The following FHOD3 variants were observed in gnomAD, a reference collection of about 807,000 sequenced individuals.
FHOD3 encodes the protein formin homology 2 domain containing 3, also known as FH1/FH2 domain-containing protein 3.
A neutral mutation model predicts 173.0 loss-of-function variants in FHOD3; 90 were observed. The observed-to-expected ratio is 0.52, with a 90% CI of 0.44 to 0.62. The LOEUF (loss-of-function observed/expected upper bound fraction) is 0.62. Among genes scored for constraint, FHOD3 ranks in the 20% least tolerant of loss-of-function variants. FHOD3 has a pLI of 0.00. For missense variants in FHOD3, 1,945 were observed against 2,034.7 expected (o/e 0.96, Z 0.85); for synonymous variants, 828 against 823.0 (o/e 1.01, Z -0.10).
chr18:36,558,421 A>G (rs568122578), intron 5 of FHOD3, among the ~76,000 whole-genome samples: 1 of 152,282 alleles, frequency 6.6e-6, no homozygotes, highest in Non-Finnish European at 1.5e-5. Context: ...TATATGTTTC[A>G]GGCAGAAGGG....
chr18:36,676,609 C>G (rs922773868), intron 14 of FHOD3, among the ~76,000 whole-genome samples: 2 of 150,586 alleles, frequency 1.3e-5, no homozygotes, highest in Middle Eastern at 3.2e-3. Flanking sequence ...GTTTTTTTTT[C>G]CAAAATGATT....
At chr18:36,335,701 T>C (rs567125641) in intron 1 of FHOD3, among the ~76,000 whole-genome samples, 142 of 152,268 alleles carry the variant, frequency 9.3e-4, no homozygotes, top group Non-Finnish European at 1.8e-3. Context: ...CTTTGCTGCC[T>C]GGAGGAAGTG....
intron 3 of FHOD3, among the ~76,000 whole-genome samples, chr18:36,409,535 T>TC (rs920600686): frequency 5.9e-5 from 9 of 152,110 alleles, no homozygotes; most frequent in African/African-American, 1.9e-4. Context: ...TTGATTCATT[T>TC]CCCCCTCTAC....
chr18:36,774,543 C>CT (rs1173052654), intron 28 of FHOD3, among the ~76,000 whole-genome samples: 2 of 152,176 alleles, frequency 1.3e-5, no homozygotes, highest in African/African-American at 4.8e-5. Context: ...GCCTGAGCCT[C>CT]TCCCCAAGAC....
intron 28 of FHOD3, among the ~76,000 whole-genome samples, chr18:36,774,081 A>G (rs1315037221): frequency 6.6e-6 from 1 of 152,182 alleles, no homozygotes. Context: ...CCAGAAAACA[A>G]TTGGCAGAAC....
intron 3 of FHOD3, among the ~76,000 whole-genome samples, chr18:36,437,732 C>T (rs149791514): frequency 3.5e-5 from 5 of 142,302 alleles, no homozygotes; most frequent in East Asian, 4.2e-4. Flanking sequence ...GGCACGATGT[C>T]GGCTCACTGC....
At chr18:36,310,709 A>G (rs935411624) in intron 1 of FHOD3, among the ~76,000 whole-genome samples, 3 of 151,058 alleles carry the variant, frequency 2.0e-5, no homozygotes, top group Non-Finnish European at 4.4e-5. Flanking sequence ...AAAGAAAAGA[A>G]AAAAAAAAGA....
At chr18:36,717,234 T>G (rs945743149) in intron 18 of FHOD3, among the ~76,000 whole-genome samples, 4 of 151,890 alleles carry the variant, frequency 2.6e-5, no homozygotes, top group African/African-American at 9.7e-5. Flanking sequence ...GGCTAGGAGG[T>G]TAGAGAAGAG....
rs1299656803 is a variant in FHOD3 at position 36,658,098 on chromosome 18, C to G, written c.1745C>G (p.Ser582Cys). 2 of 1,607,542 alleles carry G rather than the reference C, an allele frequency of 1.2e-6. No individual in the cohort carries two copies. Among genetic ancestry groups the G allele is most frequent in the African/African-American group, 1.3e-5 (1 of 74,326 alleles). ...AGATACAGCAATTTTGGCAATAACT[C>G]TTATCACTCCTCAAGACCCTCATCT... ...SNRYSNFGNN[S>C]YHSSRPSSGS... is the part of the protein sequence containing the mutation. Residue 582 changes from serine (S) to cysteine (C), a missense_variant, in exon 14 of 29, where the codon TCT becomes TGT. Ser to Cys is a moderately radical substitution (Grantham distance 112). Coordinates refer to ENST00000590592, the MANE Select transcript of FHOD3 (RefSeq NM_001281740.3).
At chr18:36,461,069 C>A (rs2052520751) in intron 3 of FHOD3, among the ~76,000 whole-genome samples, 1 of 152,142 alleles carries the variant, frequency 6.6e-6, no homozygotes, top group African/African-American at 2.4e-5. Context: ...CTGAATAGCT[C>A]ACGGCAGGGG....
At position 36,741,376 on chromosome 18, in the gene FHOD3, G is replaced by T. The variant is rs562734196; in HGVS notation, c.3759+538G>T. On this transcript the variant is annotated intron_variant, in intron 21 of 28. Coordinates refer to ENST00000590592, the MANE Select transcript of FHOD3 (RefSeq NM_001281740.3). ...TGGAATAGGGCAGTGGGAGTTTTTC[G>T]CAGGCTGAACAGAAGGAGCCAGTGT... 3.3e-5 allele frequency among the ~76,000 whole-genome samples: 5 copies of T among 152,286 alleles called. No homozygotes were observed. The East Asian group carries it at 9.7e-4, about 29-fold the overall frequency.
intron 3 of FHOD3, among the ~76,000 whole-genome samples, chr18:36,499,230 A>G (rs2054897729): frequency 6.6e-6 from 1 of 152,062 alleles, no homozygotes; most frequent in African/African-American, 2.4e-5. Context: ...CAGCTTCCCA[A>G]GTAGCTGGGA....
chr18:36,447,601 A>T (rs567311357), intron 3 of FHOD3, among the ~76,000 whole-genome samples: 1 of 152,336 alleles, frequency 6.6e-6, no homozygotes, highest in African/African-American at 2.4e-5. Flanking sequence ...ACAGCTATCA[A>T]AAGGGCTGGG....
At chr18:36,447,132 C>T (rs1325232189) in intron 3 of FHOD3, among the ~76,000 whole-genome samples, 1 of 152,146 alleles carries the variant, frequency 6.6e-6, no homozygotes, top group African/African-American at 2.4e-5. Flanking sequence ...ACAAGGGGTG[C>T]AGTATTCCTC....
At chr18:36,531,793 C>T (rs2056792663) in intron 5 of FHOD3, among the ~76,000 whole-genome samples, 1 of 152,208 alleles carries the variant, frequency 6.6e-6, no homozygotes, top group African/African-American at 2.4e-5. Flanking sequence ...CTGTCTACAG[C>T]CTGCGGTCCT....
At chr18:36,451,930 C>A (rs73421019) in intron 3 of FHOD3, among the ~76,000 whole-genome samples, 7,631 of 152,196 alleles carry the variant, frequency 0.05, 647 homozygotes, top group African/African-American at 0.17. Flanking sequence ...GACTGGTGTC[C>A]TGCTCCCCCA....
At chr18:36,631,783 A>T (rs1244840829) in intron 10 of FHOD3, among the ~76,000 whole-genome samples, 1 of 152,110 alleles carries the variant, frequency 6.6e-6, no homozygotes, top group Non-Finnish European at 1.5e-5. Context: ...AATAACCCTT[A>T]TTTCTGTTAT....
chr18:36,318,252 A>G (rs920397144), intron 1 of FHOD3, among the ~76,000 whole-genome samples: 4 of 152,104 alleles, frequency 2.6e-5, no homozygotes, highest in South Asian at 2.1e-4. Context: ...TTTTTTCCCA[A>G]TTCTGTGAAG....
intron 3 of FHOD3, 101 bp downstream of exon 3, chr18:36,372,845 C>T (rs2047261703): frequency 1.0e-6 from 1 of 964,614 alleles, no homozygotes; most frequent in Admixed American, 2.3e-5. Context: ...TGCACTAGCC[C>T]CTATCATGAG....
Sources: gnomAD v4.1 joint callset for allele counts (sites outside exome capture counted in the v4.1 genomes callset) on GRCh38, gnomAD v4.1.1 for gene constraint, MANE v1.5 for transcripts, NCBI Gene and HGNC (gene_info 2026-07-23, HGNC 2026-07-21) for gene names.